Variants in UBR1 observed in about 807,000 individuals in gnomAD.
UBR1 encodes the protein ubiquitin protein ligase E3 component n-recognin 1.
In UBR1, 102 loss-of-function variants were observed where a neutral mutation model predicts 242.1. That is an observed-to-expected ratio of 0.42 (90% confidence interval 0.36 to 0.50). The LOEUF is 0.50. Among genes scored for constraint, UBR1 ranks in the 20% least tolerant of loss-of-function variants. The pLI is 0.01. For synonymous variants in UBR1, 675 were observed against 684.8 expected, an observed-to-expected ratio of 0.99 and a Z score of 0.22; for missense variants, 1,772 against 2,101.8, an observed-to-expected ratio of 0.84 and a Z score of 3.07.
intron 6 of UBR1, among the ~76,000 whole-genome samples, chr15:43,065,822 G>T (rs2033745896): frequency 6.6e-6 from 1 of 151,764 alleles, no homozygotes; most frequent in Non-Finnish European, 1.5e-5. Context: ...GAGGTTGTTG[G>T]TTTTTTTTCT....
At position 43,037,817 on chromosome 15, in the gene UBR1, C is replaced by T. The variant is rs1232881132; in HGVS notation, c.1978G>A (p.Val660Ile). 2.5e-6 allele frequency: 4 copies of T among 1,614,132 alleles called. No homozygotes were observed. In the Admixed American group the frequency reaches 5.0e-5, roughly 20 times the overall value. The change falls in exon 17 of 47, where the codon GTT becomes ATT. Residue 660 changes from valine (V) to isoleucine (I), a missense_variant. Val to Ile is a conservative substitution (Grantham distance 29). Around this residue, in one of 3 missense-constraint regions of UBR1, gnomAD observed 734 missense variants for 893.3 expected, o/e 0.82. Transcript: ENST00000290650. ...CCATTTCTTCGCCACATCTCAGCAA[C>T]AACCTGGGCAACCAACACCAGACAA... The part of the protein sequence containing the change: ...LRCLVLVAQV[V>I]AEMWRRNGLS...
At chr15:43,003,527 A>C in intron 31 of UBR1, 1 of 373,906 alleles carries the variant, frequency 2.7e-6, no homozygotes, top group South Asian at 2.2e-5. Flanking sequence ...AAGTGCTGAG[A>C]TTACAGGTGT....
chr15:43,009,531 G>A (rs1409542145), intron 29 of UBR1, among the ~76,000 whole-genome samples: 3 of 152,226 alleles, frequency 2.0e-5, no homozygotes, highest in African/African-American at 7.2e-5. Context: ...GATGAGCCCA[G>A]AAAGACCAAG....
intron 1 of UBR1, among the ~76,000 whole-genome samples, chr15:43,101,301 G>A (rs991672189): frequency 1.3e-5 from 2 of 152,200 alleles, no homozygotes; most frequent in Non-Finnish European, 2.9e-5. Flanking sequence ...GATTACTCTG[G>A]TTGTTCTGTG....
chr15:42,981,313 A>T (rs1483319665), intron 37 of UBR1, among the ~76,000 whole-genome samples: 1 of 152,138 alleles, frequency 6.6e-6, no homozygotes, highest in Non-Finnish European at 1.5e-5. Context: ...ACTTGAACAC[A>T]TCACGCACTT....
chr15:43,037,287 G>A (rs977622551), intron 17 of UBR1, among the ~76,000 whole-genome samples: 2 of 151,136 alleles, frequency 1.3e-5, no homozygotes, highest in South Asian at 2.1e-4. Flanking sequence ...GGCAGAGGTT[G>A]CAGTGAGCTG....
At chr15:43,063,551 C>T (rs908582180) in intron 6 of UBR1, among the ~76,000 whole-genome samples, 1 of 152,256 alleles carries the variant, frequency 6.6e-6, no homozygotes, top group South Asian at 2.1e-4. Context: ...CACCTGTAAT[C>T]CCAGCACTTT....
At chr15:42,955,846 A>G (rs1331837174) in intron 44 of UBR1, among the ~76,000 whole-genome samples, 1 of 152,188 alleles carries the variant, frequency 6.6e-6, no homozygotes, top group Non-Finnish European at 1.5e-5. Context: ...ACAGGACATT[A>G]TTTTATCATG....
chr15:43,034,418 C>T (rs1008214663), intron 19 of UBR1, among the ~76,000 whole-genome samples: 1 of 151,008 alleles, frequency 6.6e-6, no homozygotes, highest in Non-Finnish European at 1.5e-5. Flanking sequence ...CCAGCCTGGG[C>T]GACAGAGTGA....
intron 46 of UBR1, among the ~76,000 whole-genome samples, chr15:42,949,688 A>G (rs957298630): frequency 2.0e-5 from 3 of 150,620 alleles, no homozygotes; most frequent in Non-Finnish European, 4.4e-5. Flanking sequence ...AGTCCCAGCT[A>G]CTCGGGAGGC....
intron 44 of UBR1, among the ~76,000 whole-genome samples, chr15:42,953,763 T>C (rs755796606): frequency 5.3e-5 from 8 of 152,208 alleles, no homozygotes; most frequent in Non-Finnish European, 7.3e-5. Context: ...CATCATAGGA[T>C]TGATTTTCAT....
chr15:43,059,104 C>G lies in UBR1; in HGVS notation c.1074G>C (p.Trp358Cys). The change falls in exon 9 of 47, where the codon TGG becomes TGC. Residue 358 changes from tryptophan (W) to cysteine (C), a missense_variant. By Grantham distance (215) the Trp-to-Cys change is radical (BLOSUM62 -2). Around this residue, in one of 3 missense-constraint regions of UBR1, gnomAD observed 734 missense variants for 893.3 expected, o/e 0.82. Coordinates refer to ENST00000290650, the MANE Select transcript of UBR1 (RefSeq NM_174916.3). ...ACTTACCTTTATAAAGCTTTGCATCCCAAAGCATTAACCTGCTTATGAGAC... is the reference window on the plus strand; with the variant it reads ...ACTTACCTTTATAAAGCTTTGCATCGCAAAGCATTAACCTGCTTATGAGAC... ...NPCLISRLML[W>C]DAKLYKGARK... The G allele has an allele frequency of 6.2e-7, 1 of 1,613,914 alleles. No individual in the cohort carries two copies. Among genetic ancestry groups the G allele is most frequent in the Non-Finnish European group, 8.5e-7 (1 of 1,179,880 alleles).
chr15:42,985,082 G>T, intron 35 of UBR1, 140 bp from the exon 36 acceptor site: 1 of 708,200 alleles, frequency 1.4e-6, no homozygotes, highest in Non-Finnish European at 2.2e-6. Context: ...TGTGTTTTAA[G>T]TCTATGCCAA....
intron 1 of UBR1, among the ~76,000 whole-genome samples, chr15:43,103,234 C>T (rs1343084612): frequency 1.3e-5 from 2 of 152,184 alleles, no homozygotes; most frequent in African/African-American, 2.4e-5. Flanking sequence ...GGCATGGTGG[C>T]ACATGCCTAT....
chr15:43,043,818 T>G (rs2033450300), intron 14 of UBR1, among the ~76,000 whole-genome samples: 2 of 152,120 alleles, frequency 1.3e-5, no homozygotes, highest in South Asian at 4.1e-4. Context: ...TAAGTCTACC[T>G]CCACAGGATC....
chr15:42,945,206 T>G lies in UBR1; in HGVS notation c.*123A>C. 1 of 1,322,686 alleles carries G rather than the reference T, an allele frequency of 7.6e-7. No individual in the cohort carries two copies. 81.9% of individuals were successfully genotyped at this position (1,322,686 alleles called of 1,614,324 possible). A position where few individuals can be genotyped will look rare whatever the true frequency, so the allele number is the denominator to read the frequency against. On this transcript the variant is annotated 3_prime_UTR_variant, in exon 47 of 47. Transcript: ENST00000290650. ...TTAAGAAATATTTTATTGATGTAAG[T>G]GAACCTGGACATGGAGCAAAAGACC...
intron 12 of UBR1, among the ~76,000 whole-genome samples, chr15:43,051,837 T>C (rs1197637256): frequency 1.3e-5 from 2 of 152,068 alleles, no homozygotes; most frequent in South Asian, 2.1e-4. Flanking sequence ...GAGAAAAGTG[T>C]GGACAGGGTG....
chr15:42,944,625 G>A lies in UBR1; in HGVS notation c.*704C>T, dbSNP rs1361396025. 6.6e-6 allele frequency: 1 copy of A among 152,176 alleles called. No individual in the cohort carries two copies. Among genetic ancestry groups the A allele is most frequent in the Non-Finnish European group, 1.5e-5 (1 of 68,060 alleles). 9.4% of individuals were successfully genotyped at this position (152,176 alleles called of 1,614,324 possible). A position where few individuals can be genotyped will look rare whatever the true frequency, so the allele number is the denominator to read the frequency against. ...ATTTCAAAACTCAACAAAGCTACTG[G>A]TAGTCAGAGGTGAGAACTGCAAGCT... On this transcript the variant is annotated 3_prime_UTR_variant, in exon 47 of 47. Transcript: ENST00000290650.
In UBR1 at chr15:43,000,903, G is replaced by A. The variant is rs561946437; in HGVS notation, c.3659+1652C>T. On this transcript the variant is annotated intron_variant, in intron 32 of 46. Coordinates refer to ENST00000290650, the MANE Select transcript of UBR1 (RefSeq NM_174916.3). Reference sequence around the variant, plus strand: ...GGCTGGAGTGCAATGGTATGGTCTCGGCTCACTGCAACCTCCACCTCCCGG... The same window carrying A: ...GGCTGGAGTGCAATGGTATGGTCTCAGCTCACTGCAACCTCCACCTCCCGG... Among the ~76,000 whole-genome samples the A allele has an allele frequency of 6.1e-4, 93 of 152,154 alleles. No individual in the cohort carries two copies. In the South Asian group the frequency reaches 0.018, roughly 30 times the overall value.
Sources: gnomAD v4.1 joint callset for allele counts (sites outside exome capture counted in the v4.1 genomes callset) on GRCh38, gnomAD v4.1.1 for gene constraint, gnomAD v4.1.1 regional missense constraint, MANE v1.5 for transcripts, NCBI Gene and HGNC (gene_info 2026-07-23, HGNC 2026-07-21) for gene names.